TECPR2: variants seen among roughly 807,000 people sequenced by gnomAD.
The protein encoded by TECPR2 is tectonin beta-propeller repeat-containing protein 2.
TECPR2 carries 65 observed loss-of-function variants against 138.1 expected under a neutral mutation model. That is an observed-to-expected ratio of 0.47 (90% CI 0.39 to 0.58). TECPR2 has a LOEUF of 0.58. TECPR2 is among the 20% of genes least tolerant of loss of function. TECPR2 has a pLI of 0.00. For missense variants in TECPR2, 1,553 were observed against 1,824.5 expected (o/e 0.85, Z 2.71); for synonymous variants, 746 against 749.8 (o/e 0.99, Z 0.08).
At chr14:102,488,053 A>G (rs1891073781) in intron 17 of TECPR2, among the ~76,000 whole-genome samples, 1 of 149,376 alleles carries the variant, frequency 6.7e-6, no homozygotes, top group South Asian at 2.1e-4. Flanking sequence ...CATATTGGTC[A>G]GGCTTGTCTT....
intron 9 of TECPR2, among the ~76,000 whole-genome samples, chr14:102,435,512 A>T (rs1889641938): frequency 6.6e-6 from 1 of 152,182 alleles, no homozygotes. Context: ...ACTGTTAGCC[A>T]TCGTAGGGCA....
rs1888602619 is a variant in TECPR2 at position 102,404,637 on chromosome 14, C to T, written c.220-2701C>T. Reference sequence around the variant, plus strand: ...TGTTGCCCAGGCTGCAGTGCAATGGCGTGATCTCGGCTCACTGCAACCTCC... The same window carrying T: ...TGTTGCCCAGGCTGCAGTGCAATGGTGTGATCTCGGCTCACTGCAACCTCC... On this transcript the variant is annotated intron_variant, in intron 2 of 19. Transcript: ENST00000359520. 2.0e-5 allele frequency among the ~76,000 whole-genome samples: 3 copies of T among 150,846 alleles called. No individual in the cohort carries two copies. The South Asian group carries it at 6.3e-4, about 32-fold the overall frequency.
At chr14:102,384,564 C>CTACT (rs1887937491) in intron 2 of TECPR2, among the ~76,000 whole-genome samples, 1 of 151,724 alleles carries the variant, frequency 6.6e-6, no homozygotes, top group Non-Finnish European at 1.5e-5. Flanking sequence ...GTAATCCCAG[C>CTACT]TACTCAGGAG....
intron 7 of TECPR2, among the ~76,000 whole-genome samples, chr14:102,429,034 A>G (rs528830563): frequency 4.6e-5 from 7 of 152,178 alleles, no homozygotes; most frequent in Admixed American, 1.3e-4. Context: ...TTTAGTAGAG[A>G]CAGGGTTTCT....
intron 5 of TECPR2, among the ~76,000 whole-genome samples, chr14:102,424,309 C>T (rs550578235): frequency 2.8e-4 from 43 of 152,246 alleles, no homozygotes; most frequent in Non-Finnish European, 5.6e-4. Context: ...GTTGTATTTG[C>T]GGTCCATCAT....
At chr14:102,427,494 C>T (rs1336043795) in intron 6 of TECPR2, among the ~76,000 whole-genome samples, 1 of 152,134 alleles carries the variant, frequency 6.6e-6, no homozygotes, top group Non-Finnish European at 1.5e-5. Flanking sequence ...TTAAAATTAG[C>T]CAAAAACATA....
Position 102,376,856 on chromosome 14 carries a change from G to A in TECPR2, c.135G>A (p.Gly45=). The A allele has an allele frequency of 6.2e-7, 1 of 1,614,144 alleles. No homozygotes were observed. Among genetic ancestry groups the A allele is most frequent in the Non-Finnish European group, 8.5e-7 (1 of 1,180,040 alleles). Residue 45 remains glycine (G), a synonymous_variant, in exon 2 of 20, where the codon GGG becomes GGA. Coordinates refer to ENST00000359520, the MANE Select transcript of TECPR2 (RefSeq NM_014844.5). ...ATCTCACGGCCCTCGACACCAACGG[G>A]GACTACATCGCGGTGGGCAGCAGCA... ...VVYLTALDTN[G]DYIAVGSSIG...
chr14:102,387,537 T>C (rs1037888158), intron 2 of TECPR2, among the ~76,000 whole-genome samples: 5 of 152,034 alleles, frequency 3.3e-5, no homozygotes, highest in Admixed American at 3.3e-4. Flanking sequence ...GTCTTTTTTT[T>C]TTTTTTTGAG....
At chr14:102,496,544 C>G (rs1195020537) in intron 17 of TECPR2, among the ~76,000 whole-genome samples, 1 of 152,222 alleles carries the variant, frequency 6.6e-6, no homozygotes, top group Non-Finnish European at 1.5e-5. Context: ...GACAGCTGTG[C>G]CTAGAGGAGA....
intron 5 of TECPR2, among the ~76,000 whole-genome samples, chr14:102,422,877 A>G (rs1595116723): frequency 6.6e-6 from 1 of 152,362 alleles, no homozygotes; most frequent in Non-Finnish European, 1.5e-5. Context: ...CTGCATAACA[A>G]CATTTCAGTC....
At chr14:102,449,606 T>G in intron 13 of TECPR2, 23 bp from the exon 14 acceptor site, 1 of 1,612,272 alleles carries the variant, frequency 6.2e-7, no homozygotes, top group Non-Finnish European at 8.5e-7. Flanking sequence ...ACAGCAGGGC[T>G]TTTGCTTGTC....
chr14:102,497,819 C>T (rs1891330512), intron 19 of TECPR2, 100 bp downstream of exon 19: 1 of 1,398,870 alleles, frequency 7.1e-7, no homozygotes, highest in Non-Finnish European at 9.5e-7. Flanking sequence ...CCACTGGGCT[C>T]CAATCTCTCA....
At chr14:102,454,020 A>G (rs1463805171) in intron 16 of TECPR2, among the ~76,000 whole-genome samples, 1 of 152,018 alleles carries the variant, frequency 6.6e-6, no homozygotes, top group Non-Finnish European at 1.5e-5. Flanking sequence ...GTGGTGGCAC[A>G]TGCCTGTAAT....
intron 7 of TECPR2, among the ~76,000 whole-genome samples, chr14:102,431,386 A>T (rs1889470019): frequency 7.7e-6 from 1 of 129,646 alleles, no homozygotes; most frequent in Non-Finnish European, 1.6e-5. Context: ...TGTGTTGCCC[A>T]GGCTGGAGTG....
intron 2 of TECPR2, among the ~76,000 whole-genome samples, chr14:102,385,393 TA>T (rs201190169): frequency 0.01 from 1,595 of 152,198 alleles, 20 homozygotes; most frequent in Non-Finnish European, 0.013. Flanking sequence ...GACTTCAACA[TA>T]AATTTTGGCA....
At chr14:102,400,325 G>C (rs149366713) in intron 2 of TECPR2, among the ~76,000 whole-genome samples, 1 of 152,116 alleles carries the variant, frequency 6.6e-6, no homozygotes, top group Non-Finnish European at 1.5e-5. Context: ...GATTATAGGC[G>C]TGAGCCACCG....
intron 17 of TECPR2, among the ~76,000 whole-genome samples, chr14:102,480,318 G>C (rs1049281479): frequency 6.6e-6 from 1 of 151,526 alleles, no homozygotes; most frequent in East Asian, 2.0e-4. Flanking sequence ...TCCACCTCCC[G>C]GGTTCACGCC....
rs781517260 is a variant in TECPR2 at position 102,414,840 on chromosome 14, T to C, written c.638+47T>C. 2.2e-5 allele frequency: 36 copies of C among 1,604,548 alleles called. 1 individual carries two copies. The South Asian group carries it at 3.6e-4, about 16-fold the overall frequency. On this transcript the variant is annotated intron_variant, in intron 5 of 19. Coordinates refer to ENST00000359520, the MANE Select transcript of TECPR2 (RefSeq NM_014844.5). ...GTTTGGCCTAAATGCTGGGCCTTGT[T>C]GTAGAAGGTGCTTTAGGGTTTCTTA...
intron 5 of TECPR2, among the ~76,000 whole-genome samples, chr14:102,424,676 G>A (rs1330167338): frequency 6.6e-6 from 1 of 152,178 alleles, no homozygotes; most frequent in African/African-American, 2.4e-5. Flanking sequence ...ACTCATGGTT[G>A]TTGTAAGGAT....
Sources: gnomAD v4.1 joint callset for allele counts (sites outside exome capture counted in the v4.1 genomes callset) on GRCh38, gnomAD v4.1.1 for gene constraint, MANE v1.5 for transcripts, NCBI Gene and HGNC (gene_info 2026-07-23, HGNC 2026-07-21) for gene names.